EYA2: variants seen among roughly 807,000 people sequenced by gnomAD.
EYA2 encodes the protein EYA transcriptional coactivator and phosphatase 2, also known as protein phosphatase EYA2.
In EYA2, 31 loss-of-function variants were observed where a neutral mutation model predicts 69.2. That is an observed-to-expected ratio of 0.45 (90% CI 0.34 to 0.60). The LOEUF is 0.60. EYA2 is among the 20% of genes least tolerant of loss of function. The pLI is 0.02. For synonymous variants in EYA2, 257 were observed against 279.4 expected, an observed-to-expected ratio of 0.92 and a Z score of 0.80; for missense variants, 622 against 701.2, an observed-to-expected ratio of 0.89 and a Z score of 1.28.
intron 1 of EYA2, among the ~76,000 whole-genome samples, chr20:46,898,001 T>C (rs1983897419): frequency 6.6e-6 from 1 of 152,072 alleles, no homozygotes; most frequent in African/African-American, 2.4e-5. Flanking sequence ...AAAACTTAAC[T>C]GCTTCCCACC....
At chr20:47,172,995 C>A (rs769988415) in intron 12 of EYA2, 128 bp downstream of exon 12, 14 of 998,992 alleles carry the variant, frequency 1.4e-5, no homozygotes, top group Non-Finnish European at 2.0e-5. Flanking sequence ...CTTAATGCAA[C>A]CCTGACGACA....
intron 5 of EYA2, among the ~76,000 whole-genome samples, chr20:47,056,086 A>G (rs924969126): frequency 1.3e-5 from 2 of 152,238 alleles, no homozygotes; most frequent in East Asian, 1.9e-4. Context: ...CCAGTTAAAT[A>G]TGCTTTATGC....
intron 5 of EYA2, among the ~76,000 whole-genome samples, chr20:47,022,630 A>G (rs1983821114): frequency 6.7e-6 from 1 of 148,406 alleles, no homozygotes; most frequent in Non-Finnish European, 1.5e-5. Context: ...TTTAACTGAG[A>G]TATAACTCAC....
chr20:47,080,440 AGGG>A (rs552230739), intron 7 of EYA2, among the ~76,000 whole-genome samples: 11 of 86,584 alleles, frequency 1.3e-4, no homozygotes, highest in African/African-American at 4.4e-4. Flanking sequence ...GAAATGAGGG[AGGG>A]GGGAGGGAGG....
At chr20:47,043,528 T>C (rs2029889396) in intron 5 of EYA2, among the ~76,000 whole-genome samples, 2 of 152,226 alleles carry the variant, frequency 1.3e-5, no homozygotes, top group African/African-American at 4.8e-5. Context: ...TCTGCAGTGC[T>C]GTCTTCAGAA....
intron 1 of EYA2, among the ~76,000 whole-genome samples, chr20:46,960,711 A>G (rs912425945): frequency 1.3e-5 from 2 of 152,196 alleles, no homozygotes; most frequent in East Asian, 3.8e-4. Flanking sequence ...CTGCTTTCAC[A>G]GTTCAATCGC....
chr20:47,016,162 T>A lies in EYA2; in HGVS notation c.299-19T>A, dbSNP rs550862358. ...ATCATGTGTCCTTGGTCCTTTTTTT[T>A]CCCCCTCTTCCTTCAAAGGCATCAA... On this transcript the variant is annotated intron_variant, in intron 4 of 15. Transcript: ENST00000327619. 1.9e-6 allele frequency: 3 copies of A among 1,581,354 alleles called. No homozygotes were observed. The highest frequency in any genetic ancestry group is 2.6e-6 in the Non-Finnish European group (3 of 1,150,248).
Position 47,188,185 on chromosome 20 carries a change from TC to T in EYA2, c.*56del. On this transcript the variant is annotated 3_prime_UTR_variant, in exon 16 of 16. Transcript: ENST00000327619. ...ATCTCACCCTCAGACCCCCTCGCCT[TC>T]CCCACCTCCCCACCGAGAACTCCAG... The T allele has an allele frequency of 6.7e-7, 1 of 1,497,412 alleles. No homozygotes were observed. The allele number at this position is 1,497,412 out of a possible 1,614,324, so 92.8% of individuals were successfully genotyped here.
intron 1 of EYA2, among the ~76,000 whole-genome samples, chr20:46,899,481 C>A (rs1392608783): frequency 6.6e-6 from 1 of 152,164 alleles, no homozygotes; most frequent in Non-Finnish European, 1.5e-5. Flanking sequence ...TCCTTCGATA[C>A]TAACACTACG....
intron 5 of EYA2, among the ~76,000 whole-genome samples, chr20:47,042,568 T>G (rs1985138082): frequency 6.6e-6 from 1 of 152,210 alleles, no homozygotes; most frequent in South Asian, 2.1e-4. Context: ...GTACAGGAGT[T>G]AGGCTGTATT....
chr20:46,895,470 T>A (rs925256282), intron 1 of EYA2, among the ~76,000 whole-genome samples: 1 of 152,248 alleles, frequency 6.6e-6, no homozygotes, highest in African/African-American at 2.4e-5. Flanking sequence ...AACGGCCCGC[T>A]GAGACTTTGC....
intron 1 of EYA2, among the ~76,000 whole-genome samples, chr20:46,988,002 C>CA (rs555665557): frequency 1.8e-4 from 11 of 61,600 alleles, no homozygotes; most frequent in Non-Finnish European, 2.5e-4. Flanking sequence ...ATATATGGGG[C>CA]AAAAAAAAAA....
chr20:47,058,508 A>G (rs1439225953), intron 5 of EYA2, among the ~76,000 whole-genome samples: 1 of 152,186 alleles, frequency 6.6e-6, no homozygotes, highest in African/African-American at 2.4e-5. Context: ...GAGAGGCCAT[A>G]CTGGTGCTGA....
chr20:46,961,540 A>G (rs1462146777), intron 1 of EYA2, among the ~76,000 whole-genome samples: 1 of 152,210 alleles, frequency 6.6e-6, no homozygotes, highest in African/African-American at 2.4e-5. Context: ...AAGGAAAGGA[A>G]ATCAATGTTG....
intron 9 of EYA2, among the ~76,000 whole-genome samples, chr20:47,101,519 C>T (rs1363964566): frequency 6.6e-6 from 1 of 152,196 alleles, no homozygotes; most frequent in African/African-American, 2.4e-5. Flanking sequence ...TTATTTGAGG[C>T]TGTCATGGCC....
chr20:46,923,801 C>A (rs887109755), intron 1 of EYA2, among the ~76,000 whole-genome samples: 1 of 152,100 alleles, frequency 6.6e-6, no homozygotes, highest in African/African-American at 2.4e-5. Flanking sequence ...CTTTGTACTG[C>A]CATCACATAG....
intron 1 of EYA2, among the ~76,000 whole-genome samples, chr20:46,977,936 A>G (rs1980559210): frequency 6.6e-6 from 1 of 152,158 alleles, no homozygotes; most frequent in Admixed American, 6.5e-5. Context: ...CCTGAATTTC[A>G]CTGGCTGGAC....
rs780344200 is a variant in EYA2 at position 47,089,328 on chromosome 20, G to T, written c.751G>T (p.Gly251Cys). The change falls in exon 8 of 16, where the codon GGC becomes TGC. Residue 251 changes from glycine to cysteine, a missense_variant. Gly to Cys is a radical substitution (Grantham distance 159, BLOSUM62 -3). Transcript: ENST00000327619. ...CCGGGCCTCCGACGGGAAGCTCCGA[G>T]GCCGGTCTAAGAGGAGCAGTGACCC... ...PHRASDGKLR[G>C]RSKRSSDPSP... is the part of the protein sequence containing the mutation. The T allele has an allele frequency of 6.5e-5, 105 of 1,614,048 alleles. No individual in the cohort carries two copies. Among genetic ancestry groups the T allele is most frequent in the Middle Eastern group, 4.9e-4 (3 of 6,082 alleles).
intron 1 of EYA2, among the ~76,000 whole-genome samples, chr20:46,953,574 G>A (rs147376590): frequency 2.7e-4 from 41 of 152,228 alleles, no homozygotes; most frequent in African/African-American, 9.4e-4. Context: ...CGGACACTGG[G>A]GCCTGATAAT....
Sources: gnomAD v4.1 joint callset for allele counts (sites outside exome capture counted in the v4.1 genomes callset) on GRCh38, gnomAD v4.1.1 for gene constraint, MANE v1.5 for transcripts, NCBI Gene and HGNC (gene_info 2026-07-23, HGNC 2026-07-21) for gene names.